DPP6: variants seen among roughly 807,000 people sequenced by gnomAD.
The protein encoded by DPP6 is A-type potassium channel modulatory protein DPP6.
In DPP6, 69 loss-of-function variants were observed where a neutral mutation model predicts 122.6. The ratio of observed to expected loss-of-function variants is 0.56; its 90% CI spans 0.46 to 0.69. The LOEUF is 0.69. Ranked by LOEUF, DPP6 falls within the 30% of genes least tolerant of loss-of-function variation. DPP6 has a pLI of 0.00. For missense variants in DPP6, 928 were observed against 1,116.9 expected (o/e 0.83, Z 2.41); for synonymous variants, 418 against 433.1 (o/e 0.97, Z 0.43).
intron 1 of DPP6, among the ~76,000 whole-genome samples, chr7:153,944,446 C>T (rs1026882079): frequency 5.3e-5 from 8 of 152,064 alleles, no homozygotes. Context: ...GGGAAGGCAG[C>T]GAGAAGAGCG....
intron 3 of DPP6, among the ~76,000 whole-genome samples, chr7:154,513,862 C>A (rs184837670): frequency 6.6e-6 from 1 of 152,338 alleles, no homozygotes; most frequent in East Asian, 1.9e-4. Flanking sequence ...ATGAAATAAA[C>A]ACCTACTCAA....
At chr7:154,716,725 A>T (rs1841507092) in intron 7 of DPP6, among the ~76,000 whole-genome samples, 1 of 152,034 alleles carries the variant, frequency 6.6e-6, no homozygotes, top group South Asian at 2.1e-4. Flanking sequence ...TTTTCAAGAT[A>T]GCTCAATATA....
chr7:154,021,698 T>C (rs1404613208), intron 1 of DPP6, among the ~76,000 whole-genome samples: 2 of 152,150 alleles, frequency 1.3e-5, no homozygotes, highest in African/African-American at 4.8e-5. Context: ...ATCAGCTCAC[T>C]CATCCTTCAG....
At chr7:153,888,705 C>CTTTTTTTTTT (rs142238331) in intron 1 of DPP6, among the ~76,000 whole-genome samples, 1 of 77,000 alleles carries the variant, frequency 1.3e-5, no homozygotes. Context: ...CTGGCTGGCA[C>CTTTTTTTTTT]TTTTTTTTTT....
intron 3 of DPP6, among the ~76,000 whole-genome samples, chr7:154,479,570 A>AAAAAAG (rs572938567): frequency 0.078 from 7,844 of 100,768 alleles, 655 homozygotes; most frequent in South Asian, 0.19. Context: ...AAAAAAAAAA[A>AAAAAAG]AAAAGAAAAG....
Position 154,386,015 on chromosome 7 carries a change from C to G in DPP6, c.244-60199C>G, listed in dbSNP as rs1814074737. 2.0e-5 allele frequency among the ~76,000 whole-genome samples: 3 copies of G among 152,114 alleles called. No homozygotes were observed. In the South Asian group the frequency reaches 6.2e-4, roughly 32 times the overall value. On this transcript the variant is annotated intron_variant, in intron 1 of 25. Transcript: ENST00000377770. ...TCATGATATCATTCTTCCAGAAAGC[C>G]AACCCTTTCTTGCAAAAGTACAAGG...
intron 1 of DPP6, chr7:154,026,621 G>A (rs1798967508): frequency 6.6e-6 from 1 of 151,972 alleles, no homozygotes; most frequent in Non-Finnish European, 1.5e-5. Context: ...GAAAGACATT[G>A]GCCTTTTCTC....
intron 1 of DPP6, among the ~76,000 whole-genome samples, chr7:153,925,131 A>G (rs1800828876): frequency 6.6e-6 from 1 of 152,168 alleles, no homozygotes; most frequent in Admixed American, 6.5e-5. Context: ...ACAAGCTCAG[A>G]GTATACTCTG....
chr7:153,848,085 C>T, the DPP6 span, among the ~76,000 whole-genome samples: 4 of 152,088 alleles, frequency 2.6e-5, no homozygotes, highest in Admixed American at 6.6e-5. Flanking sequence ...CCTGGTCGGG[C>T]GGATAGGGGA....
chr7:154,534,752 G>A (rs1828103121), intron 3 of DPP6, among the ~76,000 whole-genome samples: 1 of 152,228 alleles, frequency 6.6e-6, no homozygotes, highest in East Asian at 1.9e-4. Context: ...TATGTTCATG[G>A]ATTGGAATAA....
At chr7:154,870,146 CTTTTTTTT>C (rs61457825) in intron 18 of DPP6, among the ~76,000 whole-genome samples, 1 of 121,696 alleles carries the variant, frequency 8.2e-6, no homozygotes, top group African/African-American at 3.1e-5. Flanking sequence ...CCAACTAATT[CTTTTTTTT>C]TTTTTTTTTT....
intron 1 of DPP6, among the ~76,000 whole-genome samples, chr7:154,256,941 A>G (rs925190610): frequency 4.0e-5 from 6 of 151,626 alleles, no homozygotes. Context: ...CAGGCTTTAG[A>G]GTGACAGCAT....
chr7:154,432,588 C>T (rs1037480548), intron 1 of DPP6, among the ~76,000 whole-genome samples: 1 of 152,208 alleles, frequency 6.6e-6, no homozygotes, highest in Non-Finnish European at 1.5e-5. Flanking sequence ...TGTGTTCTGT[C>T]ACACGTAGAT....
At chr7:154,547,676 C>T (rs1015074879) in intron 4 of DPP6, among the ~76,000 whole-genome samples, 7 of 152,122 alleles carry the variant, frequency 4.6e-5, no homozygotes, top group African/African-American at 1.7e-4. Flanking sequence ...TATCTGTATT[C>T]ATTTCTGTCT....
intron 1 of DPP6, among the ~76,000 whole-genome samples, chr7:154,381,001 T>C (rs1242233471): frequency 6.6e-6 from 1 of 152,226 alleles, no homozygotes; most frequent in Non-Finnish European, 1.5e-5. Context: ...AGATGCCATC[T>C]GGACTGTCTC....
At chr7:154,791,113 A>G (rs1037975092) in intron 10 of DPP6, among the ~76,000 whole-genome samples, 9 of 152,186 alleles carry the variant, frequency 5.9e-5, no homozygotes, top group Admixed American at 1.3e-4. Flanking sequence ...TTAGCCAGGC[A>G]TGGTGGCAGA....
chr7:154,230,032 G>A (rs1476756814), intron 1 of DPP6, among the ~76,000 whole-genome samples: 1 of 152,036 alleles, frequency 6.6e-6, no homozygotes, highest in Non-Finnish European at 1.5e-5. Context: ...TTCTGGTTTG[G>A]GAATTGAACA....
At chr7:154,075,128 G>C (rs1803465878) in intron 1 of DPP6, among the ~76,000 whole-genome samples, 2 of 151,990 alleles carry the variant, frequency 1.3e-5, no homozygotes, top group African/African-American at 4.8e-5. Context: ...CTGCACAAAT[G>C]GCCATAATTA....
Position 154,821,645 on chromosome 7 carries a change from T to TATACAC in DPP6, c.1666+14534_1666+14535insTACACA, listed in dbSNP as rs1362252192. ...TTTTTTCTGTATATATATATATATA[T>TATACAC]ACACATATATATATATATACACATA... On this transcript the variant is annotated intron_variant, in intron 16 of 25. Transcript: ENST00000377770. The surrounding 1 kb of genome is among the most constrained non-coding windows in gnomAD (Gnocchi z 4.2). 1.7e-3 allele frequency among the ~76,000 whole-genome samples: 190 copies of TATACAC among 115,146 alleles called. No individual in the cohort carries two copies. Among genetic ancestry groups the TATACAC allele is most frequent in the African/African-American group, 3.3e-3 (87 of 26,150 alleles). The allele number at this position is 115,146 out of a possible 152,430, so 75.5% of individuals were successfully genotyped here. A position where few individuals can be genotyped will look rare whatever the true frequency, so the allele number is the denominator to read the frequency against.
Sources: gnomAD v4.1 joint callset for allele counts (sites outside exome capture counted in the v4.1 genomes callset) on GRCh38, gnomAD v4.1.1 for gene constraint, Gnocchi (gnomAD v3.1) non-coding constraint, MANE v1.5 for transcripts, NCBI Gene and HGNC (gene_info 2026-07-23, HGNC 2026-07-21) for gene names.